The following PXDN variants were observed in gnomAD, a reference collection of about 807,000 sequenced individuals.
PXDN encodes peroxidasin homolog.
PXDN carries 77 observed loss-of-function variants against 140.3 expected under a neutral mutation model. That is an observed-to-expected ratio of 0.55 (90% CI 0.46 to 0.66). The LOEUF (loss-of-function observed/expected upper bound fraction) is 0.66. Among genes scored for constraint, PXDN ranks in the 30% least tolerant of loss-of-function variants. PXDN has a pLI of 0.00. For missense variants in PXDN, 1,838 were observed against 2,039.5 expected, an observed-to-expected ratio of 0.90 and a Z score of 1.90; for synonymous variants, 911 against 857.4, an observed-to-expected ratio of 1.06 and a Z score of -1.09.
chr2:1,729,993 C>T (rs1489151996), intron 1 of PXDN, among the ~76,000 whole-genome samples: 1 of 152,166 alleles, frequency 6.6e-6, no homozygotes, highest in Admixed American at 6.5e-5. Flanking sequence ...CATTATAGAG[C>T]AGAACATGTA....
rs1312427445 is a variant in PXDN, at chr2:1,660,033, G to A, written c.1837+848C>T. On this transcript the variant is annotated intron_variant, in intron 14 of 22. Coordinates refer to ENST00000252804, the MANE Select transcript of PXDN (RefSeq NM_012293.3). This position sits in a 1 kb window ranked among gnomAD's most constrained non-coding sequence, Gnocchi z 4.6. ...GCCAGAGGGTCCTTTACCCCGTGAA[G>A]GGGGGTTTGTGCGCGTTCTCAGAGT... 6.6e-6 allele frequency among the ~76,000 whole-genome samples: 1 copy of A among 152,202 alleles called. No homozygotes were observed. Among genetic ancestry groups the A allele is most frequent in the African/African-American group, 2.4e-5 (1 of 41,464 alleles).
chr2:1,683,709 C>T lies in PXDN; in HGVS notation c.507G>A (p.Arg169=). Reference sequence around the variant, plus strand: ...ATGTCCCTGGAACTAAATGTGTAATCCGGTTGTTATGCAAAAATCTGTTGA... The same window carrying T: ...ATGTCCCTGGAACTAAATGTGTAATTCGGTTGTTATGCAAAAATCTGTTGA... ...KLERLFLHNN[R]ITHLVPGTFN... Residue 169 remains arginine, a synonymous_variant, in exon 6 of 23, where the codon CGG becomes CGA. Coordinates refer to ENST00000252804, the MANE Select transcript of PXDN (RefSeq NM_012293.3). 1 of 1,604,104 alleles carries T rather than the reference C, an allele frequency of 6.2e-7. No individual in the cohort carries two copies. The highest frequency in any genetic ancestry group is 8.5e-7 in the Non-Finnish European group (1 of 1,176,866).
At chr2:1,674,721 C>T (rs2125435153) in intron 8 of PXDN, among the ~76,000 whole-genome samples, 1 of 152,272 alleles carries the variant, frequency 6.6e-6, no homozygotes, top group East Asian at 1.9e-4. Context: ...AGTGTGAGGA[C>T]AGAGTAAGAA....
chr2:1,689,448 T>A (rs1277897234), intron 3 of PXDN, among the ~76,000 whole-genome samples: 1 of 152,210 alleles, frequency 6.6e-6, no homozygotes, highest in Non-Finnish European at 1.5e-5. Context: ...TGTGAATGTG[T>A]GTTTATAAAG....
intron 12 of PXDN, among the ~76,000 whole-genome samples, chr2:1,663,265 C>T (rs1258036692): frequency 6.6e-6 from 1 of 152,034 alleles, no homozygotes; most frequent in Non-Finnish European, 1.5e-5. Flanking sequence ...AAATAACCAC[C>T]CCAGAAAGGG....
At chr2:1,713,216 A>C (rs952615364) in intron 1 of PXDN, among the ~76,000 whole-genome samples, 1 of 152,094 alleles carries the variant, frequency 6.6e-6, no homozygotes, top group African/African-American at 2.4e-5. Context: ...CAGGATTCAG[A>C]CACGCTCCCC....
chr2:1,656,443 C>A (rs573144437), intron 14 of PXDN, among the ~76,000 whole-genome samples: 37 of 151,442 alleles, frequency 2.4e-4, no homozygotes, highest in African/African-American at 7.9e-4. Context: ...CACACCCTTA[C>A]AAAAAAGCTT....
intron 9 of PXDN, among the ~76,000 whole-genome samples, chr2:1,667,956 A>C (rs976459055): frequency 6.6e-6 from 1 of 152,238 alleles, no homozygotes; most frequent in Non-Finnish European, 1.5e-5. Flanking sequence ...AAACTACTTT[A>C]AATTTCATAT....
chr2:1,709,230 G>A (rs113637560), intron 1 of PXDN, among the ~76,000 whole-genome samples: 8 of 152,344 alleles, frequency 5.3e-5, no homozygotes, highest in South Asian at 2.1e-4. Flanking sequence ...ACTGCTGTTC[G>A]GTGAGGAGGA....
intron 6 of PXDN, among the ~76,000 whole-genome samples, chr2:1,682,528 T>A (rs960261232): frequency 2.6e-5 from 4 of 152,144 alleles, no homozygotes; most frequent in Admixed American, 6.5e-5. Context: ...AAACTAACGG[T>A]TTCAAGACCA....
rs146324162 is a variant in PXDN, at chr2:1,733,608, G to A, written c.200+10648C>T. On this transcript the variant is annotated intron_variant, in intron 1 of 22. Transcript: ENST00000252804. ...AATACAAAAATTAGCCAGGTGTGGC[G>A]GTGCGCGCCTGTAATCCCAGCTACT... is the stretch of plus-strand genomic sequence containing the variant. Among the ~76,000 whole-genome samples, 438 of 152,108 alleles carry A rather than the reference G, an allele frequency of 2.9e-3. 2 individuals carry two copies. Among genetic ancestry groups the A allele is most frequent in the South Asian group, 5.0e-3 (24 of 4,810 alleles).
chr2:1,734,643 C>T (rs1036293763), intron 1 of PXDN, among the ~76,000 whole-genome samples: 6 of 152,070 alleles, frequency 3.9e-5, no homozygotes, highest in Admixed American at 1.3e-4. Flanking sequence ...CCAAGGCGGG[C>T]GGATCACGAG....
chr2:1,666,140 T>C (rs1009577657), intron 10 of PXDN, 74 bp downstream of exon 10: 2 of 1,561,152 alleles, frequency 1.3e-6, no homozygotes, highest in African/African-American at 1.4e-5. Flanking sequence ...CGTCTGTGGG[T>C]ATGGCAGCGC....
chr2:1,697,286 C>T (rs1009563586), intron 1 of PXDN, among the ~76,000 whole-genome samples: 16 of 152,292 alleles, frequency 1.1e-4, no homozygotes, highest in African/African-American at 2.4e-4. Context: ...CACACACAGG[C>T]GAACTCATAA....
At position 1,639,155 on chromosome 2, in the gene PXDN, G is replaced by A. The variant is rs1472065397; in HGVS notation, c.4073+147C>T. 1.3e-6 allele frequency: 2 copies of A among 1,484,006 alleles called. No individual in the cohort carries two copies. The highest frequency in any genetic ancestry group is 2.8e-5 in the African/African-American group (2 of 71,464). The allele number at this position is 1,484,006 out of a possible 1,614,324, so 91.9% of individuals were successfully genotyped here. On this transcript the variant is annotated intron_variant, in intron 20 of 22. Coordinates refer to ENST00000252804, the MANE Select transcript of PXDN (RefSeq NM_012293.3). The surrounding 1 kb of genome is among the most constrained non-coding windows in gnomAD (Gnocchi z 5.0). Reference sequence around the variant, plus strand: ...TGAGTGGGCAGCACAGCAGGACGCAGGCTGCGGCCTGGCCCCCAGTGCCCT... The same window carrying A: ...TGAGTGGGCAGCACAGCAGGACGCAAGCTGCGGCCTGGCCCCCAGTGCCCT...
In PXDN at chr2:1,649,544, C is replaced by T. The variant is rs752185594; in HGVS notation, c.2236G>A (p.Gly746Ser). ...GGGTGCTGCAGGTTGTTACAGGTGCCGTCGTGCGTCCGGTACTTCTGGTGG... is the reference window on the plus strand; with the variant it reads ...GGGTGCTGCAGGTTGTTACAGGTGCTGTCGTGCGTCCGGTACTTCTGGTGG... ...CFHQKYRTHD[G>S]TCNNLQHPMW... The change falls in exon 17 of 23, where the codon GGC (glycine) becomes AGC (serine). Residue 746 changes from glycine (G) to serine (S), a missense_variant. By Grantham distance (56) the Gly-to-Ser change is moderately conservative (BLOSUM62 0). Transcript: ENST00000252804. This position sits in a 1 kb window ranked among gnomAD's most constrained non-coding sequence, Gnocchi z 7.1. 10 of 1,613,880 alleles carry T rather than the reference C, an allele frequency of 6.2e-6. No homozygotes were observed. Among genetic ancestry groups the T allele is most frequent in the South Asian group, 4.4e-5 (4 of 91,084 alleles).
chr2:1,742,689 C>T (rs115922679), intron 1 of PXDN, among the ~76,000 whole-genome samples: 3 of 152,160 alleles, frequency 2.0e-5, no homozygotes, highest in Non-Finnish European at 4.4e-5. Flanking sequence ...AAACCTCACC[C>T]GGCTCCATTC....
intron 1 of PXDN, among the ~76,000 whole-genome samples, chr2:1,722,816 G>A (rs973059192): frequency 6.6e-6 from 1 of 152,208 alleles, no homozygotes; most frequent in Non-Finnish European, 1.5e-5. Context: ...TGCAGGGCAC[G>A]GTGTGCCTCA....
rs61746899 is a variant in PXDN at position 1,673,692 on chromosome 2, G to A, written c.969C>T (p.Ala323=). Residue 323 remains alanine, a synonymous_variant, in exon 9 of 23, where the codon GCC becomes GCT. Transcript: ENST00000252804. The stretch of plus-strand genomic sequence containing the variant: ...TCACCTCTTGCGTCTTCACCTCTCC[G>A]GCCACGTTCTTTGCCATGCACTGGT... The part of the protein sequence containing the change: ...GIYQCMAKNV[A]GEVKTQEVTL... The A allele has an allele frequency of 1.5e-4, 239 of 1,613,894 alleles. No homozygotes were observed. In the African/African-American group the frequency reaches 2.5e-3, roughly 17 times the overall value.
Sources: allele counts gnomAD v4.1 joint callset (sites outside exome capture counted in the v4.1 genomes callset), GRCh38; gene constraint gnomAD v4.1.1; non-coding constraint Gnocchi (gnomAD v3.1); transcripts MANE v1.5; gene names NCBI Gene and HGNC (gene_info 2026-07-23, HGNC 2026-07-21).